The following DMD variants were observed in gnomAD, a reference collection of about 807,000 sequenced individuals.
DMD encodes the protein dystrophin.
DMD carries 63 observed loss-of-function variants against 330.1 expected under a neutral mutation model. That is an observed-to-expected ratio of 0.19 (90% CI 0.16 to 0.24). The LOEUF is 0.24. DMD is among the 10% of genes least tolerant of loss of function. The pLI, the probability that DMD is intolerant of heterozygous loss-of-function variation, is 1.00. For synonymous variants in DMD, 1,223 were observed against 959.8 expected (o/e 1.27, Z -5.07); for missense variants, 3,344 against 2,684.1 (o/e 1.25, Z -5.43).
chrX:32,930,565 G>C (rs1215498189), intron 2 of DMD, among the ~76,000 whole-genome samples: 1 of 110,050 alleles, frequency 9.1e-6, no homozygotes, highest in African/African-American at 3.3e-5. Flanking sequence ...TGCTTTTCTA[G>C]CCCTATTTTT....
At chrX:33,277,784 T>C (rs1432303691) in intron 1 of DMD, among the ~76,000 whole-genome samples, 2 of 111,197 alleles carry the variant, frequency 1.8e-5, no homozygotes, top group Admixed American at 1.9e-4. Context: ...CACTCATCTA[T>C]TTGCCATAAT....
At chrX:31,443,867 T>C (rs2065103974) in intron 60 of DMD, among the ~76,000 whole-genome samples, 1 of 111,730 alleles carries the variant, frequency 9.0e-6, no homozygotes, top group South Asian at 3.8e-4. Flanking sequence ...ATTTTCTGTT[T>C]ATCGTAAGAA....
At chrX:31,127,653 C>T (rs1398211550) in intron 77 of DMD, among the ~76,000 whole-genome samples, 1 of 111,013 alleles carries the variant, frequency 9.0e-6, no homozygotes, top group East Asian at 2.8e-4. Flanking sequence ...ATCTCCCTTT[C>T]CCCTCCACCC....
intron 7 of DMD, among the ~76,000 whole-genome samples, chrX:32,797,780 G>A (rs1377761376): frequency 9.1e-6 from 1 of 109,764 alleles, no homozygotes; most frequent in African/African-American, 3.3e-5. Flanking sequence ...CACTGTATAG[G>A]CCAAGGATAT....
chrX:32,133,957 A>G (rs1406362071), intron 44 of DMD, among the ~76,000 whole-genome samples: 2 of 111,458 alleles, frequency 1.8e-5, no homozygotes, highest in Non-Finnish European at 3.8e-5. Context: ...TTCTGCATTG[A>G]CTGTTTACTG....
intron 7 of DMD, among the ~76,000 whole-genome samples, chrX:32,730,627 C>A (rs1441191432): frequency 1.8e-5 from 2 of 111,873 alleles, no homozygotes; most frequent in Admixed American, 9.4e-5. Flanking sequence ...AAAGAAAGGA[C>A]AGGACTAGAA....
chrX:32,154,855 GAAA>G (rs201219325), intron 44 of DMD, among the ~76,000 whole-genome samples: 65 of 98,306 alleles, frequency 6.6e-4, no homozygotes, highest in Admixed American at 5.5e-3. Context: ...CACAAGCTTT[GAAA>G]AAAAAAAAAA....
chrX:31,719,285 T>C (rs201717444), intron 52 of DMD, among the ~76,000 whole-genome samples: 2 of 112,135 alleles, frequency 1.8e-5, no homozygotes, highest in East Asian at 5.6e-4. Flanking sequence ...AAATCAAGAA[T>C]GGGGATTAAG....
At chrX:32,305,576 C>A (rs2097537493) in intron 42 of DMD, among the ~76,000 whole-genome samples, 1 of 111,308 alleles carries the variant, frequency 9.0e-6, no homozygotes, top group South Asian at 3.7e-4. Flanking sequence ...AAGCCACCAG[C>A]ATCTCTTTTT....
chrX:32,235,442 G>A (rs1028339717), intron 43 of DMD, among the ~76,000 whole-genome samples: 13 of 111,449 alleles, frequency 1.2e-4, no homozygotes, highest in African/African-American at 3.9e-4. Context: ...ACTGCTTTGC[G>A]AATCGGGTCC....
Position 31,848,551 on chromosome X carries a change from T to G in DMD, c.7099-11732A>C, listed in dbSNP as rs907571640. On this transcript the variant is annotated intron_variant, in intron 48 of 78. Coordinates refer to ENST00000357033, the MANE Select transcript of DMD (RefSeq NM_004006.3). ...TTTTTTTTTCCTCCATGCCTTATTCTTAATGTCCCCTCCAATGCAAGATTG... is the reference window on the plus strand; with the variant it reads ...TTTTTTTTTCCTCCATGCCTTATTCGTAATGTCCCCTCCAATGCAAGATTG... 4.9e-4 allele frequency among the ~76,000 whole-genome samples: 55 copies of G among 111,381 alleles called. 1 individual carries two copies. The highest frequency in any genetic ancestry group is 1.7e-4 in the Non-Finnish European group (9 of 52,990).
chrX:32,494,332 T>A (rs1173233511), intron 19 of DMD, among the ~76,000 whole-genome samples: 1 of 111,555 alleles, frequency 9.0e-6, no homozygotes, highest in East Asian at 2.8e-4. Flanking sequence ...TTGATCTTTA[T>A]AACTGAATGC....
intron 17 of DMD, among the ~76,000 whole-genome samples, chrX:32,542,820 T>C (rs1164595947): frequency 2.7e-5 from 3 of 112,085 alleles, no homozygotes; most frequent in Admixed American, 9.5e-5. Context: ...ATCAATCAAG[T>C]GTCGTATATA....
intron 20 of DMD, 69 bp downstream of exon 20, chrX:32,491,208 T>C: frequency 8.7e-6 from 10 of 1,155,541 alleles, no homozygotes; most frequent in Non-Finnish European, 1.1e-5. Context: ...AATTTGTTAC[T>C]GTCTTCTTGG....
At chrX:32,704,829 A>C (rs1240946329) in intron 7 of DMD, among the ~76,000 whole-genome samples, 1 of 112,472 alleles carries the variant, frequency 8.9e-6, no homozygotes, top group Non-Finnish European at 1.9e-5. Context: ...AAAGGCCTAT[A>C]TGTTGGCACA....
chrX:32,326,430 T>G (rs1371515963), intron 41 of DMD, among the ~76,000 whole-genome samples: 1 of 112,446 alleles, frequency 8.9e-6, no homozygotes, highest in Non-Finnish European at 1.9e-5. Flanking sequence ...GCAAATAACA[T>G]ATAGCATAGC....
rs967819544 is a variant in DMD at position 32,644,830 on chromosome X, G to T, written c.1149+134C>A. On this transcript the variant is annotated intron_variant, in intron 10 of 78. Transcript: ENST00000357033. ...CAAAAGAAAACTTCAAAATCTGACTGTTGGAATCCCAAGCACATCATAGTA... is the reference window on the plus strand; with the variant it reads ...CAAAAGAAAACTTCAAAATCTGACTTTTGGAATCCCAAGCACATCATAGTA... The T allele has an allele frequency of 2.4e-5, 19 of 785,311 alleles. No individual in the cohort carries two copies. In the East Asian group the frequency reaches 6.3e-4, roughly 26 times the overall value. The allele number at this position is 785,311 out of a possible 1,213,427, so 64.7% of individuals were successfully genotyped here.
intron 20 of DMD, among the ~76,000 whole-genome samples, chrX:32,486,210 G>T (rs1443854091): frequency 1.8e-5 from 2 of 111,376 alleles, no homozygotes; most frequent in African/African-American, 6.5e-5. Flanking sequence ...CACCTGAAAT[G>T]TGGCTGGTCC....
intron 62 of DMD, among the ~76,000 whole-genome samples, chrX:31,284,469 T>C (rs1017751796): frequency 5.4e-5 from 6 of 111,388 alleles, no homozygotes; most frequent in Non-Finnish European, 1.1e-4. Flanking sequence ...CATTTATCAA[T>C]TTGATATCAC....
Sources: allele counts gnomAD v4.1 joint callset (sites outside exome capture counted in the v4.1 genomes callset), GRCh38; gene constraint gnomAD v4.1.1; transcripts MANE v1.5; gene names NCBI Gene and HGNC (gene_info 2026-07-23, HGNC 2026-07-21).